PDE8A: variants seen among roughly 807,000 people sequenced by gnomAD.
The protein encoded by PDE8A is phosphodiesterase 8A, also known as high affinity cAMP-specific and IBMX-insensitive 3',5'-cyclic phosphodiesterase 8A.
A neutral mutation model predicts 105.0 loss-of-function variants in PDE8A; 59 were observed. The ratio of observed to expected loss-of-function variants is 0.56; its 90% CI spans 0.46 to 0.70. PDE8A has a LOEUF of 0.70. PDE8A is among the 30% of genes least tolerant of loss of function. The pLI is 0.00. For synonymous variants in PDE8A, 355 were observed against 371.9 expected (o/e 0.95, Z 0.52); for missense variants, 1,014 against 1,045.9 (o/e 0.97, Z 0.42).
At chr15:84,982,808 A>C (rs1296806583) in intron 1 of PDE8A, among the ~76,000 whole-genome samples, 1 of 152,240 alleles carries the variant, frequency 6.6e-6, no homozygotes, top group East Asian at 1.9e-4. Flanking sequence ...TCCCTCTGTC[A>C]GCTTTGCACA....
chr15:85,121,671 A>G (rs1433835495), intron 18 of PDE8A, among the ~76,000 whole-genome samples: 1 of 152,064 alleles, frequency 6.6e-6, no homozygotes, highest in African/African-American at 2.4e-5. Flanking sequence ...TAGTATATTC[A>G]TAGTGGTTTT....
chr15:85,112,869 A>G (rs2082039698), intron 12 of PDE8A, among the ~76,000 whole-genome samples: 1 of 152,212 alleles, frequency 6.6e-6, no homozygotes, highest in Non-Finnish European at 1.5e-5. Context: ...GAAGATATTT[A>G]CCTAATCAGT....
rs1427054960 is a variant in PDE8A, at chr15:85,066,641, C to CAG, written c.244-371_244-370dup. Among the ~76,000 whole-genome samples, 179 of 132,254 alleles carry CAG rather than the reference C, an allele frequency of 1.4e-3. 1 individual carries two copies. Among genetic ancestry groups the CAG allele is most frequent in the African/African-American group, 4.6e-3 (161 of 34,814 alleles). The allele number at this position is 132,254 out of a possible 152,430, so 86.8% of individuals were successfully genotyped here. A position where few individuals can be genotyped will look rare whatever the true frequency, so the allele number is the denominator to read the frequency against. ...ACACACACACACACACACACACACA[C>CAG]AGAAATGACGATTCTGACCAGGCGC... On this transcript the variant is annotated intron_variant, in intron 2 of 21. Transcript: ENST00000394553.
At chr15:85,108,120 T>TCAGATTTAGCAAAAA (rs2081971628) in intron 11 of PDE8A, among the ~76,000 whole-genome samples, 1 of 152,176 alleles carries the variant, frequency 6.6e-6, no homozygotes, top group Non-Finnish European at 1.5e-5. Context: ...TTGGTGACCT[T>TCAGATTTAGCAAAAA]GACACATTCA....
At chr15:85,119,917 G>GA (rs942537954) in intron 17 of PDE8A, among the ~76,000 whole-genome samples, 10 of 151,422 alleles carry the variant, frequency 6.6e-5, no homozygotes, top group South Asian at 6.3e-4. Context: ...TAAAAGGGAA[G>GA]AAAAAAAACA....
At chr15:84,987,770 C>T (rs901843808) in intron 1 of PDE8A, among the ~76,000 whole-genome samples, 10 of 152,026 alleles carry the variant, frequency 6.6e-5, no homozygotes, top group African/African-American at 2.2e-4. Flanking sequence ...AGCCACCGCG[C>T]CCGGCCTTGG....
chr15:85,042,335 C>T lies in PDE8A; in HGVS notation c.187-22035C>T, dbSNP rs529191904. ...GACTACAGGTATGTACCACCGTGCC[C>T]AGCTAATTTTTTGTAGAGACAGCAT... On this transcript the variant is annotated intron_variant, in intron 1 of 21. Transcript: ENST00000394553. Among the ~76,000 whole-genome samples the T allele has an allele frequency of 4.6e-5, 7 of 152,172 alleles. No homozygotes were observed. The East Asian group carries it at 9.7e-4, about 21-fold the overall frequency.
intron 12 of PDE8A, among the ~76,000 whole-genome samples, chr15:85,112,347 G>A (rs1213845186): frequency 6.6e-6 from 1 of 152,034 alleles, no homozygotes; most frequent in African/African-American, 2.4e-5. Flanking sequence ...AGAATACCTT[G>A]TTATTAATTG....
intron 7 of PDE8A, chr15:85,090,798 C>T (rs1445681943): frequency 5.3e-6 from 3 of 563,886 alleles, no homozygotes; most frequent in Admixed American, 2.2e-5. Flanking sequence ...GCCTGCTGCC[C>T]TCCTGGAGCC....
intron 1 of PDE8A, among the ~76,000 whole-genome samples, chr15:85,040,055 A>G (rs1363432786): frequency 6.6e-6 from 1 of 152,210 alleles, no homozygotes; most frequent in African/African-American, 2.4e-5. Context: ...GTTAATAATA[A>G]TGTATATTTC....
chr15:85,068,845 A>C (rs1277262104), intron 3 of PDE8A, among the ~76,000 whole-genome samples: 1 of 152,220 alleles, frequency 6.6e-6, no homozygotes, highest in Non-Finnish European at 1.5e-5. Context: ...ATTGTAAAAG[A>C]AAATTTAAAT....
At chr15:85,134,125 T>C (rs746870302) in intron 20 of PDE8A, among the ~76,000 whole-genome samples, 12 of 152,282 alleles carry the variant, frequency 7.9e-5, no homozygotes, top group Non-Finnish European at 1.3e-4. Flanking sequence ...CATGCACTTG[T>C]CACATTGGGC....
intron 5 of PDE8A, among the ~76,000 whole-genome samples, chr15:85,077,383 A>G (rs1157617282): frequency 6.6e-6 from 1 of 152,220 alleles, no homozygotes; most frequent in Non-Finnish European, 1.5e-5. Context: ...TACAGAGAGA[A>G]CTTAAATAAG....
At chr15:85,067,568 G>A (rs1363373991) in intron 3 of PDE8A, among the ~76,000 whole-genome samples, 1 of 151,994 alleles carries the variant, frequency 6.6e-6, no homozygotes, top group Non-Finnish European at 1.5e-5. Flanking sequence ...TCGATGAATG[G>A]GCTTTATTTA....
chr15:85,010,885 C>CG (rs1282369944), intron 1 of PDE8A, among the ~76,000 whole-genome samples: 5 of 59,096 alleles, frequency 8.5e-5, no homozygotes, highest in African/African-American at 3.5e-4. Context: ...CTGTGTTTCC[C>CG]CCAGTCGTGT....
At chr15:85,053,888 C>T (rs2081016063) in intron 1 of PDE8A, among the ~76,000 whole-genome samples, 1 of 152,184 alleles carries the variant, frequency 6.6e-6, no homozygotes, top group African/African-American at 2.4e-5. Context: ...GCATCCCTGT[C>T]TTGTGCCAGT....
At chr15:85,106,542 A>G (rs765385248) in intron 11 of PDE8A, among the ~76,000 whole-genome samples, 1 of 152,230 alleles carries the variant, frequency 6.6e-6, no homozygotes, top group Non-Finnish European at 1.5e-5. Flanking sequence ...TCAGGTGGCT[A>G]TGTGGACATT....
rs2141472873 is a variant in PDE8A at position 85,072,260 on chromosome 15, A to G, written c.435-3602A>G. Among the ~76,000 whole-genome samples the G allele has an allele frequency of 1.3e-5, 2 of 152,300 alleles. 1 individual carries two copies. Among genetic ancestry groups the G allele is most frequent in the South Asian group, 4.1e-4 (2 of 4,820 alleles). On this transcript the variant is annotated intron_variant, in intron 3 of 21. Transcript: ENST00000394553. ...TGCTTTTGTGAAACTTAACTCATTA[A>G]AGGGCTGGGCTATGTTCTTATAGTG...
At chr15:85,073,853 C>T (rs1243716567) in intron 3 of PDE8A, among the ~76,000 whole-genome samples, 3 of 152,192 alleles carry the variant, frequency 2.0e-5, no homozygotes, top group Non-Finnish European at 2.9e-5. Flanking sequence ...CAGCCTTTCC[C>T]ATAGCTCTTC....
Sources: allele counts gnomAD v4.1 joint callset (sites outside exome capture counted in the v4.1 genomes callset), GRCh38; gene constraint gnomAD v4.1.1; transcripts MANE v1.5; gene names NCBI Gene and HGNC (gene_info 2026-07-23, HGNC 2026-07-21).